Variants in ADAMTSL3 observed in about 807,000 individuals in gnomAD.
ADAMTSL3 encodes the protein ADAMTS-like protein 3.
In ADAMTSL3, 128 loss-of-function variants were observed where a neutral mutation model predicts 201.7. The observed-to-expected ratio is 0.63, with a 90% CI of 0.55 to 0.73. The LOEUF is 0.73. Among genes scored for constraint, ADAMTSL3 ranks in the 30% least tolerant of loss-of-function variants. The pLI, the probability that ADAMTSL3 is intolerant of heterozygous loss-of-function variation, is 0.00. For missense variants in ADAMTSL3, 1,990 were observed against 2,119.6 expected (o/e 0.94, Z 1.20); for synonymous variants, 738 against 748.4 (o/e 0.99, Z 0.23).
chr15:83,910,534 G>A (rs1357220591), intron 15 of ADAMTSL3, among the ~76,000 whole-genome samples: 1 of 150,218 alleles, frequency 6.7e-6, no homozygotes, highest in Non-Finnish European at 1.5e-5. Flanking sequence ...TTTTTAACAG[G>A]ACTTTTAAAA....
chr15:83,711,420 A>G (rs1402282856), intron 3 of ADAMTSL3, among the ~76,000 whole-genome samples: 1 of 152,208 alleles, frequency 6.6e-6, no homozygotes, highest in Non-Finnish European at 1.5e-5. Flanking sequence ...AAAATGAGCA[A>G]CTTATATGTT....
chr15:83,811,407 A>G (rs774051821), intron 5 of ADAMTSL3, among the ~76,000 whole-genome samples: 7 of 152,238 alleles, frequency 4.6e-5, no homozygotes, highest in Non-Finnish European at 1.0e-4. Context: ...TTGGGATCTC[A>G]TTCTAGAGTT....
intron 27 of ADAMTSL3, among the ~76,000 whole-genome samples, chr15:84,030,679 C>T (rs2068391157): frequency 6.6e-6 from 1 of 152,144 alleles, no homozygotes; most frequent in Admixed American, 6.5e-5. Flanking sequence ...GTTGGGAAGG[C>T]ATGAATGCTT....
Position 83,912,179 on chromosome 15 carries a change from G to A in ADAMTSL3, c.1701-913G>A, listed in dbSNP as rs143644233. ...AATTCTGTGCAGGGGTCCAGTAAAGGACCAGATAGTAAATGTTTTAGGCAT... is the reference window on the plus strand; with the variant it reads ...AATTCTGTGCAGGGGTCCAGTAAAGAACCAGATAGTAAATGTTTTAGGCAT... On this transcript the variant is annotated intron_variant, in intron 15 of 29. Coordinates refer to ENST00000286744, the MANE Select transcript of ADAMTSL3 (RefSeq NM_207517.3). Among the ~76,000 whole-genome samples, 598 of 152,276 alleles carry A rather than the reference G, an allele frequency of 3.9e-3. 2 individuals carry two copies. Among genetic ancestry groups the A allele is most frequent in the Non-Finnish European group, 6.1e-3 (413 of 68,016 alleles).
chr15:83,894,945 C>G (rs1272557108), intron 13 of ADAMTSL3, among the ~76,000 whole-genome samples: 1 of 152,082 alleles, frequency 6.6e-6, no homozygotes, highest in Non-Finnish European at 1.5e-5. Flanking sequence ...ATAAGTGGAA[C>G]TTAAAAAATA....
chr15:83,752,513 G>A (rs185114912), intron 3 of ADAMTSL3, among the ~76,000 whole-genome samples: 42 of 152,108 alleles, frequency 2.8e-4, no homozygotes, highest in African/African-American at 4.3e-4. Context: ...ATACATACAC[G>A]CACAAATTTT....
intron 4 of ADAMTSL3, among the ~76,000 whole-genome samples, chr15:83,797,971 TGAA>T (rs755652848): frequency 6.6e-6 from 1 of 152,162 alleles, no homozygotes; most frequent in Non-Finnish European, 1.5e-5. Context: ...AATTGATCAA[TGAA>T]GAATAAAGAG....
intron 8 of ADAMTSL3, among the ~76,000 whole-genome samples, chr15:83,864,632 C>T (rs1461835205): frequency 6.6e-6 from 1 of 152,100 alleles, no homozygotes; most frequent in Admixed American, 6.6e-5. Flanking sequence ...TAAGAGCTAT[C>T]TATGACAAAC....
intron 5 of ADAMTSL3, among the ~76,000 whole-genome samples, chr15:83,813,701 G>A (rs1255047314): frequency 6.6e-6 from 1 of 152,210 alleles, no homozygotes; most frequent in East Asian, 1.9e-4. Flanking sequence ...TTATGGAACA[G>A]AACATGCCTG....
intron 19 of ADAMTSL3, among the ~76,000 whole-genome samples, 200 bp downstream of exon 19, chr15:83,943,282 A>G (rs1439130865): frequency 6.6e-6 from 1 of 152,130 alleles, no homozygotes; most frequent in Non-Finnish European, 1.5e-5. Context: ...ATTCATTTCC[A>G]GTTTTTACTC....
intron 3 of ADAMTSL3, among the ~76,000 whole-genome samples, chr15:83,714,238 C>T (rs1326337280): frequency 1.3e-5 from 2 of 152,152 alleles, no homozygotes; most frequent in Admixed American, 6.5e-5. Context: ...GGCTGGAGTT[C>T]TTCAATGAAA....
Position 83,903,948 on chromosome 15 carries a change from A to AGGG in ADAMTSL3, c.1700+4217_1700+4218insGGG, listed in dbSNP as rs1567226141. ...AAAAAAAAAAAAAAAAAAAAAAGAA[A>AGGG]AAAGAAAGAAAGAAAGAAAGAAAAG... On this transcript the variant is annotated intron_variant, in intron 15 of 29. Coordinates refer to ENST00000286744, the MANE Select transcript of ADAMTSL3 (RefSeq NM_207517.3). Among the ~76,000 whole-genome samples the AGGG allele has an allele frequency of 1.3e-4, 13 of 102,484 alleles. 2 individuals are homozygous for AGGG. The highest frequency in any genetic ancestry group is 2.3e-4 in the African/African-American group (7 of 30,094). 67.2% of individuals were successfully genotyped at this position (102,484 alleles called of 152,430 possible). A position where few individuals can be genotyped will look rare whatever the true frequency, so the allele number is the denominator to read the frequency against.
Position 83,797,424 on chromosome 15 carries a change from C to T in ADAMTSL3, c.318-7226C>T, listed in dbSNP as rs562953788. On this transcript the variant is annotated intron_variant, in intron 4 of 29. Coordinates refer to ENST00000286744, the MANE Select transcript of ADAMTSL3 (RefSeq NM_207517.3). ...GGTCAGGAGTTTGAGACCAGCAAGACGAAACCCCATTTCTAAAAATACAAA... is the reference window on the plus strand; with the variant it reads ...GGTCAGGAGTTTGAGACCAGCAAGATGAAACCCCATTTCTAAAAATACAAA... 5.9e-5 allele frequency among the ~76,000 whole-genome samples: 9 copies of T among 152,044 alleles called. No individual in the cohort carries two copies. In the East Asian group the frequency reaches 1.2e-3, roughly 20 times the overall value.
At chr15:83,912,862 G>A (rs1365970994) in intron 15 of ADAMTSL3, among the ~76,000 whole-genome samples, 1 of 152,190 alleles carries the variant, frequency 6.6e-6, no homozygotes, top group African/African-American at 2.4e-5. Flanking sequence ...TGAAATGGAT[G>A]TAAAAGTAGA....
At chr15:83,748,649 C>CTAAA (rs2062588225) in intron 3 of ADAMTSL3, among the ~76,000 whole-genome samples, 1 of 70,516 alleles carries the variant, frequency 1.4e-5, no homozygotes, top group Admixed American at 1.8e-4. Context: ...GACCCTGTCT[C>CTAAA]AAAAAAAAAA....
intron 2 of ADAMTSL3, among the ~76,000 whole-genome samples, chr15:83,660,089 C>A (rs1485507741): frequency 6.6e-6 from 1 of 152,186 alleles, no homozygotes. Context: ...ATCTTGACCT[C>A]TTTGCTGCCA....
At chr15:83,782,088 A>G (rs192921394) in intron 4 of ADAMTSL3, among the ~76,000 whole-genome samples, 31 of 152,336 alleles carry the variant, frequency 2.0e-4, no homozygotes, top group African/African-American at 7.0e-4. Flanking sequence ...GCAAAGTAAT[A>G]TAAATCATTT....
At chr15:83,768,921 A>C (rs2062933687) in intron 3 of ADAMTSL3, among the ~76,000 whole-genome samples, 1 of 152,190 alleles carries the variant, frequency 6.6e-6, no homozygotes, top group Non-Finnish European at 1.5e-5. Flanking sequence ...TTGGGGTTTC[A>C]AAACAAAATC....
Position 83,888,963 on chromosome 15 carries a change from A to AT in ADAMTSL3, c.1073-1140dup, listed in dbSNP as rs112497654. Among the ~76,000 whole-genome samples the AT allele has an allele frequency of 5.3e-5, 8 of 152,222 alleles. No homozygotes were observed. In the South Asian group the frequency reaches 8.3e-4, roughly 16 times the overall value. On this transcript the variant is annotated intron_variant, in intron 10 of 29. Transcript: ENST00000286744. ...AGAGGCAGAGTGCTTGGCTTTGGGC[A>AT]TTTTTTCTTTCGTAAAGAGCTCATT... is the stretch of plus-strand genomic sequence containing the variant.
Sources: allele counts gnomAD v4.1 joint callset (sites outside exome capture counted in the v4.1 genomes callset), GRCh38; gene constraint gnomAD v4.1.1; transcripts MANE v1.5; gene names NCBI Gene and HGNC (gene_info 2026-07-23, HGNC 2026-07-21).